TOP3A: variants seen among roughly 807,000 people sequenced by gnomAD.
The protein encoded by TOP3A is DNA topoisomerase III alpha.
TOP3A carries 64 observed loss-of-function variants against 111.3 expected under a neutral mutation model. That is an observed-to-expected ratio of 0.57 (90% CI 0.47 to 0.71). The LOEUF is 0.71. Among genes scored for constraint, TOP3A ranks in the 30% least tolerant of loss-of-function variants. The probability of loss-of-function intolerance (pLI) is 0.00; values close to 1 mark genes in which losing one functional copy is unlikely to be tolerated. For missense variants in TOP3A, 1,104 were observed against 1,285.0 expected, an observed-to-expected ratio of 0.86 and a Z score of 2.15; for synonymous variants, 484 against 485.1, an observed-to-expected ratio of 1.00 and a Z score of 0.03.
intron 7 of TOP3A, 97 bp downstream of exon 7, chr17:18,302,167 T>C: frequency 1.4e-6 from 2 of 1,474,286 alleles, no homozygotes; most frequent in South Asian, 1.3e-5. Flanking sequence ...AAGACTAAAA[T>C]AAATCACATC....
In TOP3A at chr17:18,314,800, C is replaced by A; in HGVS notation, c.-22G>T. The A allele has an allele frequency of 6.7e-7, 1 of 1,491,986 alleles. No individual in the cohort carries two copies. Among genetic ancestry groups the A allele is most frequent in the Non-Finnish European group, 9.0e-7 (1 of 1,116,514 alleles). 92.4% of individuals were successfully genotyped at this position (1,491,986 alleles called of 1,614,324 possible). ...TCATCCTCAGACCTCGCGCCCGGAG[C>A]CGCTCCCCGGCTGCCGGCGCATCCT... On this transcript the variant is annotated 5_prime_UTR_variant, in exon 1 of 19. Coordinates refer to ENST00000321105, the MANE Select transcript of TOP3A (RefSeq NM_004618.5).
chr17:18,302,252 T>A lies in TOP3A; in HGVS notation c.814+12A>T. On this transcript the variant is annotated intron_variant, in intron 7 of 18. Transcript: ENST00000321105. ...ATAGGTCCCAGGCCATAACACCCAC[T>A]CCAGGCCCTACCTTTAATTCTGTGG... The A allele has an allele frequency of 6.2e-7, 1 of 1,602,792 alleles. No homozygotes were observed. Among genetic ancestry groups the A allele is most frequent in the Non-Finnish European group, 8.5e-7 (1 of 1,175,338 alleles).
At position 18,299,067 on chromosome 17, in the gene TOP3A, A is replaced by T. The variant is rs189626008; in HGVS notation, c.990+492T>A. Among the ~76,000 whole-genome samples, 583 of 151,436 alleles carry T rather than the reference A, an allele frequency of 3.8e-3. 7 individuals carry two copies. The highest frequency in any genetic ancestry group is 0.024 in the Admixed American group (364 of 15,132). On this transcript the variant is annotated intron_variant, in intron 9 of 18. Transcript: ENST00000321105. The stretch of plus-strand genomic sequence containing the variant: ...ATGATCAATTAAAAAAAATAAAAAT[A>T]AAATTAAAATTAAAAAAAAAAAAGA...
In TOP3A at chr17:18,314,817, G is replaced by T. The variant is rs1399009791; in HGVS notation, c.-39C>A. 1.4e-6 allele frequency: 2 copies of T among 1,475,252 alleles called. No individual in the cohort carries two copies. Among genetic ancestry groups the T allele is most frequent in the Admixed American group, 2.3e-5 (1 of 42,728 alleles). 91.4% of individuals were successfully genotyped at this position (1,475,252 alleles called of 1,614,324 possible). A position where few individuals can be genotyped will look rare whatever the true frequency, so the allele number is the denominator to read the frequency against. On this transcript the variant is annotated 5_prime_UTR_variant, in exon 1 of 19. Coordinates refer to ENST00000321105, the MANE Select transcript of TOP3A (RefSeq NM_004618.5). ...GCCCGGAGCCGCTCCCCGGCTGCCG[G>T]CGCATCCTGGGGAAGCCAGAGATGA...
chr17:18,305,281 C>G, intron 4 of TOP3A, 61 bp from the exon 5 acceptor site: 1 of 1,370,042 alleles, frequency 7.3e-7, no homozygotes, highest in Non-Finnish European at 1.0e-6. Flanking sequence ...GACTTGACAT[C>G]TCTAAGCTAA....
At chr17:18,291,456 C>T (rs1313478952) in intron 11 of TOP3A, among the ~76,000 whole-genome samples, 1 of 152,212 alleles carries the variant, frequency 6.6e-6, no homozygotes, top group African/African-American at 2.4e-5. Flanking sequence ...ATTTAGTGAG[C>T]CTCAGTCTAT....
At chr17:18,313,494 T>A in intron 1 of TOP3A, 1 of 168,694 alleles carries the variant, frequency 5.9e-6, no homozygotes. Context: ...GAAAAGAGCC[T>A]GAGCCGCTGG....
chr17:18,302,205 C>G, intron 7 of TOP3A, 59 bp downstream of exon 7: 2 of 1,535,568 alleles, frequency 1.3e-6, no homozygotes, highest in Non-Finnish European at 1.8e-6. Flanking sequence ...TGCTCACAGT[C>G]CCCCTCCTTA....
Position 18,314,734 on chromosome 17 carries a change from C to T in TOP3A, c.45G>A (p.Arg15=), listed in dbSNP as rs1479305285. The T allele has an allele frequency of 2.5e-6, 4 of 1,582,346 alleles. No homozygotes were observed. Among genetic ancestry groups the T allele is most frequent in the East Asian group, 2.3e-5 (1 of 42,678 alleles). ...CGCGGGAAAAGGCACGGTCTTCGGG[C>T]CGTCGCAGCCACCGGAGCGCGTAGC... The part of the protein sequence containing the change: ...VARYALRWLR[R]PEDRAFSRAA... The change falls in exon 1 of 19, where the codon CGG becomes CGA. Residue 15 remains arginine (R), a synonymous_variant. Coordinates refer to ENST00000321105, the MANE Select transcript of TOP3A (RefSeq NM_004618.5).
At chr17:18,300,365 G>A (rs1981151809) in intron 8 of TOP3A, among the ~76,000 whole-genome samples, 1 of 151,466 alleles carries the variant, frequency 6.6e-6, no homozygotes, top group Non-Finnish European at 1.5e-5. Flanking sequence ...TTGCACTCCA[G>A]CCTGGCAAAT....
chr17:18,297,308 C>T (rs995371255), intron 9 of TOP3A, among the ~76,000 whole-genome samples: 7 of 152,184 alleles, frequency 4.6e-5, no homozygotes, highest in African/African-American at 1.7e-4. Flanking sequence ...GCCTATAATC[C>T]CAGCTACTTG....
At position 18,296,357 on chromosome 17, in the gene TOP3A, G is replaced by A. The variant is rs991948480; in HGVS notation, c.991-1572C>T. ...AGCACTTTGGGAGGCCGAGGCGGGC[G>A]GATCACAAGTTCAATAGATTGAGAC... On this transcript the variant is annotated intron_variant, in intron 9 of 18. Transcript: ENST00000321105. Among the ~76,000 whole-genome samples the A allele has an allele frequency of 7.2e-5, 11 of 152,000 alleles. No individual in the cohort carries two copies. The South Asian group carries it at 1.0e-3, about 14-fold the overall frequency.
chr17:18,280,301 T>C, intron 17 of TOP3A: 1 of 376,826 alleles, frequency 2.7e-6, no homozygotes, highest in South Asian at 4.9e-5. Flanking sequence ...AAAGAGCCCT[T>C]CATGGTTCTT....
chr17:18,313,875 A>T (rs1238491172), intron 1 of TOP3A, among the ~76,000 whole-genome samples: 1 of 152,156 alleles, frequency 6.6e-6, no homozygotes, highest in African/African-American at 2.4e-5. Context: ...TCTCCAGAAA[A>T]CCATTTCAGG....
intron 13 of TOP3A, among the ~76,000 whole-genome samples, chr17:18,287,266 G>C (rs1457743989): frequency 6.6e-6 from 1 of 152,164 alleles, no homozygotes; most frequent in Non-Finnish European, 1.5e-5. Context: ...GGGCATGGTG[G>C]CTCAGGCCTA....
Position 18,277,808 on chromosome 17 carries a change from A to C in TOP3A, c.2694T>G (p.Leu898=). 6.2e-7 allele frequency: 1 copy of C among 1,614,076 alleles called. No individual in the cohort carries two copies. Among genetic ancestry groups the C allele is most frequent in the Non-Finnish European group, 8.5e-7 (1 of 1,180,030 alleles). The part of the protein sequence containing the change: ...GDGSGSGTSC[L]CSQPSVTRTV... ...TCCGTGTGACGGAGGGCTGGCTGCA[A>C]AGGCAGGATGTGCCACTACCACTGC... The change falls in exon 18 of 19, where the codon CTT becomes CTG. Residue 898 remains leucine (L), a synonymous_variant. Coordinates refer to ENST00000321105, the MANE Select transcript of TOP3A (RefSeq NM_004618.5).
At position 18,273,347 on chromosome 17, in the gene TOP3A, T is replaced by C. The variant is rs1229417801; in HGVS notation, c.*1455A>G. On this transcript the variant is annotated 3_prime_UTR_variant, in exon 19 of 19. Coordinates refer to ENST00000321105, the MANE Select transcript of TOP3A (RefSeq NM_004618.5). ...GGAACATGGCCACCACTGGAAAAAG[T>C]GGAAGATGGAAAGTTAGTGATCTGA... The C allele has an allele frequency of 6.6e-6, 1 of 152,170 alleles. No individual in the cohort carries two copies. Among genetic ancestry groups the C allele is most frequent in the Non-Finnish European group, 1.5e-5 (1 of 68,024 alleles). The allele number at this position is 152,170 out of a possible 1,614,324, so 9.4% of individuals were successfully genotyped here. A position where few individuals can be genotyped will look rare whatever the true frequency, so the allele number is the denominator to read the frequency against.
At chr17:18,299,758 A>G in intron 8 of TOP3A, 125 bp from the exon 9 acceptor site, 11 of 824,194 alleles carry the variant, frequency 1.3e-5, no homozygotes, top group Non-Finnish European at 1.9e-5. Context: ...CCGCAGTGAC[A>G]GCCTAGAAGA....
rs1484980330 is a variant in TOP3A at position 18,273,145 on chromosome 17, G to C, written c.*1657C>G. On this transcript the variant is annotated 3_prime_UTR_variant, in exon 19 of 19. Transcript: ENST00000321105. ...AAAAATCCTCCCCAATACCCCATCAGAACACAGAGCCACTGGTCTATGGGC... is the reference window on the plus strand; with the variant it reads ...AAAAATCCTCCCCAATACCCCATCACAACACAGAGCCACTGGTCTATGGGC... The C allele has an allele frequency of 6.6e-6, 1 of 152,162 alleles. No individual in the cohort carries two copies. The highest frequency in any genetic ancestry group is 1.5e-5 in the Non-Finnish European group (1 of 68,042). The allele number at this position is 152,162 out of a possible 1,614,324, so 9.4% of individuals were successfully genotyped here. A position where few individuals can be genotyped will look rare whatever the true frequency, so the allele number is the denominator to read the frequency against.
Sources: allele counts gnomAD v4.1 joint callset (sites outside exome capture counted in the v4.1 genomes callset), GRCh38; gene constraint gnomAD v4.1.1; transcripts MANE v1.5; gene names NCBI Gene and HGNC (gene_info 2026-07-23, HGNC 2026-07-21).